Variants in SRGAP2 observed in about 807,000 individuals in gnomAD.
SRGAP2 encodes SLIT-ROBO Rho GTPase activating protein 2, also known as SLIT-ROBO Rho GTPase-activating protein 2.
In SRGAP2, 15 loss-of-function variants were observed where a neutral mutation model predicts 57.2. The ratio of observed to expected loss-of-function variants is 0.26; its 90% CI spans 0.18 to 0.40. The LOEUF (loss-of-function observed/expected upper bound fraction) is 0.40, where lower values mean the gene tolerates loss of function less well. SRGAP2 is among the 10% of genes least tolerant of loss of function. The pLI is 1.00. For missense variants in SRGAP2, 520 were observed against 669.6 expected, an observed-to-expected ratio of 0.78 and a Z score of 2.47; for synonymous variants, 249 against 248.0, an observed-to-expected ratio of 1.00 and a Z score of -0.04.
In SRGAP2 at chr1:206,267,255, A is replaced by C. The variant is rs190057527; in HGVS notation, c.68-36026A>C. ...AGTGCTGGGATTACAGGCATGAGCC[A>C]CCACGCCCGGCCACTTTCAAACATT... is the stretch of plus-strand genomic sequence containing the variant. On this transcript the variant is annotated intron_variant, in intron 2 of 22. Coordinates refer to ENST00000573034, the MANE Select transcript of SRGAP2 (RefSeq NM_015326.5). Among the ~76,000 whole-genome samples the C allele has an allele frequency of 2.9e-3, 443 of 152,354 alleles. 1 individual carries two copies. Among genetic ancestry groups the C allele is most frequent in the African/African-American group, 0.01 (432 of 41,580 alleles).
At chr1:206,210,333 A>T (rs543627812) in intron 2 of SRGAP2, among the ~76,000 whole-genome samples, 25 of 138,386 alleles carry the variant, frequency 1.8e-4, no homozygotes, top group African/African-American at 6.6e-4. Context: ...CAGAAGAAAT[A>T]GTCTGAAACA....
In SRGAP2 at chr1:206,386,716, G is replaced by A. The variant is rs201161237; in HGVS notation, c.486+2640G>A. On this transcript the variant is annotated intron_variant, in intron 5 of 22. Coordinates refer to ENST00000573034, the MANE Select transcript of SRGAP2 (RefSeq NM_015326.5). Reference sequence around the variant, plus strand: ...GGGGAGGCTGAGGCAGGAGAATGGCGTGAACCTGGGAGGCAGAGCTTGCAG... The same window carrying A: ...GGGGAGGCTGAGGCAGGAGAATGGCATGAACCTGGGAGGCAGAGCTTGCAG... 4.3e-4 allele frequency among the ~76,000 whole-genome samples: 59 copies of A among 138,596 alleles called. No individual in the cohort carries two copies. The South Asian group carries it at 0.011, about 26-fold the overall frequency. The allele number at this position is 138,596 out of a possible 152,430, so 90.9% of individuals were successfully genotyped here.
intron 17 of SRGAP2, among the ~76,000 whole-genome samples, chr1:206,441,515 CT>C (rs1662304924): frequency 6.6e-6 from 1 of 152,156 alleles, no homozygotes; most frequent in South Asian, 2.1e-4. Context: ...GCACCTCTGT[CT>C]TTTCACTTTG....
intron 4 of SRGAP2, among the ~76,000 whole-genome samples, chr1:206,356,639 T>C (rs1325744178): frequency 6.6e-6 from 1 of 152,086 alleles, no homozygotes; most frequent in Non-Finnish European, 1.5e-5. Context: ...AGGACAGGCT[T>C]CTGTTGACTC....
intron 10 of SRGAP2, among the ~76,000 whole-genome samples, chr1:206,414,497 T>C (rs1261238840): frequency 6.6e-6 from 1 of 152,224 alleles, no homozygotes; most frequent in Admixed American, 6.5e-5. Context: ...AGTGATCTCA[T>C]ATATCACCAG....
chr1:206,382,796 TGGTGG>T (rs1251249116), intron 4 of SRGAP2, among the ~76,000 whole-genome samples: 102 of 151,714 alleles, frequency 6.7e-4, no homozygotes, highest in African/African-American at 2.4e-3. Context: ...CTAGCAGCTA[TGGTGG>T]GAGGGATGGG....
At chr1:206,266,443 A>G (rs1669853675) in intron 2 of SRGAP2, among the ~76,000 whole-genome samples, 1 of 152,014 alleles carries the variant, frequency 6.6e-6, no homozygotes, top group Non-Finnish European at 1.5e-5. Flanking sequence ...GAGTTTCTCC[A>G]TGTTGGTCAG....
At chr1:206,359,907 C>T (rs1466580998) in intron 4 of SRGAP2, among the ~76,000 whole-genome samples, 25 of 142,364 alleles carry the variant, frequency 1.8e-4, no homozygotes, top group Middle Eastern at 3.6e-3. Flanking sequence ...CCCGGGTTCA[C>T]GCCATTCTCC....
chr1:206,397,259 G>A (rs1421047409), intron 7 of SRGAP2, among the ~76,000 whole-genome samples: 11 of 151,780 alleles, frequency 7.2e-5, no homozygotes, highest in Non-Finnish European at 1.2e-4. Context: ...TGCATGTATC[G>A]GTAGTGTCTT....
intron 2 of SRGAP2, among the ~76,000 whole-genome samples, chr1:206,224,401 C>T (rs1571608084): frequency 6.9e-6 from 1 of 145,060 alleles, no homozygotes; most frequent in Non-Finnish European, 1.5e-5. Flanking sequence ...AAAAAGCCTA[C>T]CTATACGAAA....
chr1:206,285,582 T>G (rs1261499518), intron 2 of SRGAP2, among the ~76,000 whole-genome samples: 1 of 152,150 alleles, frequency 6.6e-6, no homozygotes, highest in Non-Finnish European at 1.5e-5. Flanking sequence ...CCTCTGTGAT[T>G]CTGTGAACCT....
chr1:206,261,762 A>AG, intron 2 of SRGAP2, among the ~76,000 whole-genome samples: 1 of 150,928 alleles, frequency 6.6e-6, no homozygotes, highest in Admixed American at 6.6e-5. Flanking sequence ...GGCCCGAGGA[A>AG]GGGGTCCAAG....
intron 2 of SRGAP2, among the ~76,000 whole-genome samples, chr1:206,282,036 A>G (rs1244312567): frequency 7.5e-6 from 1 of 132,470 alleles, no homozygotes; most frequent in Non-Finnish European, 1.6e-5. Context: ...GACAAATTCT[A>G]CAGAAGTTCT....
At chr1:206,220,565 C>G (rs1422730550) in intron 2 of SRGAP2, among the ~76,000 whole-genome samples, 3 of 152,202 alleles carry the variant, frequency 2.0e-5, no homozygotes, top group African/African-American at 7.2e-5. Context: ...GTCAGCTAAC[C>G]TTTAAAATCC....
chr1:206,461,596 T>A lies in SRGAP2; in HGVS notation c.*176T>A. ...AGAATGAAGCCCTTGGTATCGCCTC[T>A]CCCTTCCCACTGCCCTCTGCTTCCC... On this transcript the variant is annotated 3_prime_UTR_variant, in exon 23 of 23. Transcript: ENST00000573034. 1 of 605,008 alleles carries A rather than the reference T, an allele frequency of 1.7e-6. No homozygotes were observed. The highest frequency in any genetic ancestry group is 2.2e-5 in the South Asian group (1 of 46,466). 37.5% of individuals were successfully genotyped at this position (605,008 alleles called of 1,614,324 possible).
At chr1:206,356,024 T>C (rs1351670014) in intron 4 of SRGAP2, among the ~76,000 whole-genome samples, 1 of 147,186 alleles carries the variant, frequency 6.8e-6, no homozygotes, top group African/African-American at 2.5e-5. Flanking sequence ...AAGGAGAGGA[T>C]TGTTAATACA....
intron 2 of SRGAP2, among the ~76,000 whole-genome samples, chr1:206,215,905 G>T (rs1480903995): frequency 7.8e-6 from 1 of 127,622 alleles, no homozygotes; most frequent in Non-Finnish European, 1.6e-5. Context: ...AGGAAAGAAT[G>T]GTCTTTTATT....
chr1:206,359,087 A>C (rs1350309455), intron 4 of SRGAP2, among the ~76,000 whole-genome samples: 1 of 152,120 alleles, frequency 6.6e-6, no homozygotes, highest in African/African-American at 2.4e-5. Context: ...TCAATTAGCC[A>C]TCTGTTTCTT....
intron 4 of SRGAP2, among the ~76,000 whole-genome samples, chr1:206,378,593 C>A (rs1263863182): frequency 6.6e-6 from 1 of 152,178 alleles, no homozygotes; most frequent in Non-Finnish European, 1.5e-5. Context: ...GGAGTGGGGT[C>A]TTGGAGAACT....
Sources: gnomAD v4.1 joint callset for allele counts (sites outside exome capture counted in the v4.1 genomes callset) on GRCh38, gnomAD v4.1.1 for gene constraint, MANE v1.5 for transcripts, NCBI Gene and HGNC (gene_info 2026-07-23, HGNC 2026-07-21) for gene names.